RHBDD1: variants seen among roughly 807,000 people sequenced by gnomAD.
RHBDD1 encodes rhomboid domain containing 1, also known as rhomboid-related protein 4.
A neutral mutation model predicts 36.3 loss-of-function variants in RHBDD1; 38 were observed. That is an observed-to-expected ratio of 1.05 (90% CI 0.81 to 1.37). RHBDD1 has a LOEUF of 1.37. Among genes scored for constraint, RHBDD1 ranks in the 40% most tolerant of loss-of-function variants. The pLI, the probability that RHBDD1 is intolerant of heterozygous loss-of-function variation, is 0.00. For missense variants in RHBDD1, 393 were observed against 377.6 expected (o/e 1.04, Z -0.34); for synonymous variants, 151 against 136.5 (o/e 1.11, Z -0.74).
intron 8 of RHBDD1, among the ~76,000 whole-genome samples, chr2:226,949,738 A>G (rs1220842584): frequency 1.3e-5 from 2 of 152,154 alleles, no homozygotes; most frequent in African/African-American, 4.8e-5. Flanking sequence ...TTCAAGATCA[A>G]GGTGCCGACA....
chr2:226,866,250 TTAGTAC>T (rs1944324962), intron 4 of RHBDD1, among the ~76,000 whole-genome samples: 1 of 152,108 alleles, frequency 6.6e-6, no homozygotes, highest in Admixed American at 6.5e-5. Flanking sequence ...TTTTGTATTT[TTAGTAC>T]AGATGGGGTT....
Position 226,956,180 on chromosome 2 carries a change from T to C in RHBDD1, c.857-39251T>C, listed in dbSNP as rs1478615569. On this transcript the variant is annotated intron_variant, in intron 8 of 8. Transcript: ENST00000392062. Reference sequence around the variant, plus strand: ...TTTCTCAATCTCTTGGTGTCCCCTCTGGGAGTCCCACTGTGAGTGAGTGGG... The same window carrying C: ...TTTCTCAATCTCTTGGTGTCCCCTCCGGGAGTCCCACTGTGAGTGAGTGGG... 2.0e-5 allele frequency among the ~76,000 whole-genome samples: 3 copies of C among 152,164 alleles called. No homozygotes were observed. In the East Asian group the frequency reaches 5.8e-4, roughly 29 times the overall value.
chr2:226,862,727 A>C lies in RHBDD1; in HGVS notation c.-90-1877A>C, dbSNP rs544443399. Among the ~76,000 whole-genome samples, 253 of 152,322 alleles carry C rather than the reference A, an allele frequency of 1.7e-3. 3 individuals carry two copies. In the South Asian group the frequency reaches 0.043, roughly 26 times the overall value. ...TTGCTATAAATACCTGAGTCTGAGT[A>C]ATTTATAAAGAAAAGAGGTCTATTT... On this transcript the variant is annotated intron_variant, in intron 3 of 8. Transcript: ENST00000392062.
intron 7 of RHBDD1, among the ~76,000 whole-genome samples, chr2:226,910,534 A>G (rs1411599202): frequency 2.0e-5 from 3 of 151,732 alleles, no homozygotes; most frequent in Non-Finnish European, 2.9e-5. Context: ...GCTGTTACCA[A>G]TTTTTCTAAT....
At chr2:226,840,884 GTTTTT>G (rs954615541) in intron 3 of RHBDD1, among the ~76,000 whole-genome samples, 3 of 148,148 alleles carry the variant, frequency 2.0e-5, no homozygotes, top group African/African-American at 7.4e-5. Context: ...TATAATTTGG[GTTTTT>G]TTTTTCTTAA....
chr2:226,872,137 T>C (rs1358116291), intron 5 of RHBDD1, among the ~76,000 whole-genome samples: 1 of 152,192 alleles, frequency 6.6e-6, no homozygotes, highest in Non-Finnish European at 1.5e-5. Context: ...GATGAATGTT[T>C]GTCAAAGGCT....
intron 4 of RHBDD1, among the ~76,000 whole-genome samples, chr2:226,866,870 G>A (rs1944390249): frequency 6.6e-6 from 1 of 151,992 alleles, no homozygotes; most frequent in South Asian, 2.1e-4. Context: ...AATTTATATA[G>A]CATAACTATT....
intron 8 of RHBDD1, among the ~76,000 whole-genome samples, chr2:226,972,731 G>T (rs1041819092): frequency 1.3e-5 from 2 of 152,104 alleles, no homozygotes; most frequent in Non-Finnish European, 2.9e-5. Context: ...CTGGTCTCTC[G>T]AGTCCAGGGG....
chr2:226,891,102 G>A (rs781565701), intron 5 of RHBDD1, among the ~76,000 whole-genome samples: 18 of 152,166 alleles, frequency 1.2e-4, no homozygotes, highest in Admixed American at 6.5e-4. Flanking sequence ...CTATCCCACA[G>A]TGTTTAATAG....
chr2:226,990,093 A>G (rs1274971813), intron 8 of RHBDD1, among the ~76,000 whole-genome samples: 1 of 152,226 alleles, frequency 6.6e-6, no homozygotes, highest in African/African-American at 2.4e-5. Context: ...CACACTATTT[A>G]TAAAGAGAGA....
chr2:226,870,587 G>C (rs1195103853), intron 5 of RHBDD1, among the ~76,000 whole-genome samples: 1 of 152,168 alleles, frequency 6.6e-6, no homozygotes, highest in East Asian at 1.9e-4. Flanking sequence ...GGTTAGGGAT[G>C]CTGCGCCCCC....
intron 3 of RHBDD1, among the ~76,000 whole-genome samples, chr2:226,856,547 GCAAA>G (rs1943346565): frequency 6.6e-6 from 1 of 152,122 alleles, no homozygotes. Flanking sequence ...AACAAGTGGA[GCAAA>G]CAGTTTCATA....
At chr2:226,826,937 A>G in the RHBDD1 span, among the ~76,000 whole-genome samples, 8 of 152,142 alleles carry the variant, frequency 5.3e-5, no homozygotes, top group African/African-American at 1.9e-4. Context: ...TTTCTAAGAC[A>G]TGTTAATAGA....
the RHBDD1 span, among the ~76,000 whole-genome samples, chr2:226,829,319 ATTC>A: frequency 2.0e-5 from 3 of 152,136 alleles, no homozygotes; most frequent in African/African-American, 7.2e-5. Context: ...CTCCAACTTT[ATTC>A]TTCTTTTTCA....
chr2:226,845,166 A>T (rs959102097), intron 3 of RHBDD1, among the ~76,000 whole-genome samples: 1 of 152,180 alleles, frequency 6.6e-6, no homozygotes, highest in Non-Finnish European at 1.5e-5. Context: ...TATATTTGTT[A>T]TACTTTTTAA....
intron 8 of RHBDD1, 73 bp downstream of exon 8, chr2:226,914,424 T>C: frequency 6.7e-7 from 1 of 1,496,260 alleles, no homozygotes; most frequent in South Asian, 1.3e-5. Flanking sequence ...AAGAGCTATT[T>C]GTAGCAAATT....
chr2:226,833,862 T>TA (rs1466184418), upstream of RHBDD1, among the ~76,000 whole-genome samples: 9 of 152,320 alleles, frequency 5.9e-5, no homozygotes, highest in African/African-American at 2.2e-4. Flanking sequence ...TGAAATGGGA[T>TA]ATGAGCATGT....
At chr2:226,885,488 G>A (rs1946129934) in intron 5 of RHBDD1, among the ~76,000 whole-genome samples, 2 of 151,982 alleles carry the variant, frequency 1.3e-5, no homozygotes, top group African/African-American at 4.8e-5. Context: ...CCATTAAAAT[G>A]GTATTGTCAG....
the RHBDD1 span, among the ~76,000 whole-genome samples, chr2:226,806,052 C>A: frequency 6.6e-6 from 1 of 152,156 alleles, no homozygotes; most frequent in Non-Finnish European, 1.5e-5. Flanking sequence ...ATCCTCTCCT[C>A]AACTGCAAGG....
Sources: allele counts gnomAD v4.1 joint callset (sites outside exome capture counted in the v4.1 genomes callset), GRCh38; gene constraint gnomAD v4.1.1; transcripts MANE v1.5; gene names NCBI Gene and HGNC (gene_info 2026-07-23, HGNC 2026-07-21).